Variants in SLC4A8 observed in about 807,000 individuals in gnomAD.
SLC4A8 encodes electroneutral sodium bicarbonate exchanger 1.
A neutral mutation model predicts 125.0 loss-of-function variants in SLC4A8; 40 were observed. The observed-to-expected ratio is 0.32, with a 90% CI of 0.25 to 0.42. The LOEUF is 0.42. Ranked by LOEUF, SLC4A8 falls within the 10% of genes least tolerant of loss-of-function variation. The probability of loss-of-function intolerance (pLI) is 1.00; values close to 1 mark genes in which losing one functional copy is unlikely to be tolerated. For missense variants in SLC4A8, 863 were observed against 1,355.1 expected, an observed-to-expected ratio of 0.64 and a Z score of 5.70; for synonymous variants, 456 against 476.0, an observed-to-expected ratio of 0.96 and a Z score of 0.55.
chr12:51,477,345 G>C (rs921568367), intron 16 of SLC4A8, among the ~76,000 whole-genome samples: 4 of 152,224 alleles, frequency 2.6e-5, no homozygotes, highest in South Asian at 2.1e-4. Context: ...AAGGCTAAAC[G>C]GTTGGTATTA....
Position 51,508,412 on chromosome 12 carries a change from C to G in SLC4A8, c.*974C>G, listed in dbSNP as rs1938253752. Reference sequence around the variant, plus strand: ...TGTTTTTATTGGCCATTTTGCGGGACTCTTCGACTTCTTGCTGCTGTCTCT... The same window carrying G: ...TGTTTTTATTGGCCATTTTGCGGGAGTCTTCGACTTCTTGCTGCTGTCTCT... On this transcript the variant is annotated 3_prime_UTR_variant, in exon 25 of 25. Transcript: ENST00000453097. 6.6e-6 allele frequency: 1 copy of G among 150,650 alleles called. No homozygotes were observed. The highest frequency in any genetic ancestry group is 1.5e-5 in the Non-Finnish European group (1 of 67,508). 9.3% of individuals were successfully genotyped at this position (150,650 alleles called of 1,614,324 possible).
chr12:51,478,042 G>A (rs898125409), intron 16 of SLC4A8, among the ~76,000 whole-genome samples: 1 of 152,124 alleles, frequency 6.6e-6, no homozygotes, highest in South Asian at 2.1e-4. Context: ...TTGGGAGGCC[G>A]AGATGGGCAG....
intron 1 of SLC4A8, among the ~76,000 whole-genome samples, chr12:51,402,076 T>C (rs532511590): frequency 9.2e-5 from 14 of 152,242 alleles, no homozygotes; most frequent in African/African-American, 3.4e-4. Context: ...CCCCTTCGTA[T>C]CTTAACCACC....
chr12:51,497,036 A>T lies in SLC4A8; in HGVS notation c.2993A>T (p.Lys998Met). Residue 998 changes from lysine to methionine, a missense_variant, in exon 22 of 25, where the codon AAG becomes ATG. Lys to Met is a moderately conservative substitution (Grantham distance 95). Coordinates refer to ENST00000453097, the MANE Select transcript of SLC4A8 (RefSeq NM_001039960.3). The part of the protein sequence containing the change: ...VRKVMDLCFS[K>M]RELSWLDDLM... Reference sequence around the variant, plus strand: ...AAAGTCATGGATCTCTGTTTCTCTAAGCGAGAGCTGAGCTGGCTAGATGAT... The same window carrying T: ...AAAGTCATGGATCTCTGTTTCTCTATGCGAGAGCTGAGCTGGCTAGATGAT... The T allele has an allele frequency of 1.2e-6, 2 of 1,614,026 alleles. No homozygotes were observed. The highest frequency in any genetic ancestry group is 1.1e-5 in the South Asian group (1 of 91,062).
intron 4 of SLC4A8, 149 bp downstream of exon 4, chr12:51,452,408 T>G: frequency 1.1e-6 from 1 of 877,684 alleles, no homozygotes; most frequent in Non-Finnish European, 1.8e-6. Context: ...CTGTGGAGAA[T>G]TTTGGTGTTG....
intron 11 of SLC4A8, among the ~76,000 whole-genome samples, chr12:51,468,819 C>T (rs1950604849): frequency 6.6e-6 from 1 of 152,174 alleles, no homozygotes. Flanking sequence ...GACTTAGCTT[C>T]TCCAGCCTTG....
At chr12:51,431,050 G>C (rs1949170133) in intron 1 of SLC4A8, among the ~76,000 whole-genome samples, 1 of 152,164 alleles carries the variant, frequency 6.6e-6, no homozygotes, top group African/African-American at 2.4e-5. Context: ...GGTTCTGGGA[G>C]AGGATCTGTT....
intron 24 of SLC4A8, among the ~76,000 whole-genome samples, chr12:51,506,415 CTTTCTT>C (rs1254667531): frequency 1.3e-5 from 2 of 150,276 alleles, no homozygotes; most frequent in African/African-American, 2.4e-5. Context: ...TTTTTTCTTT[CTTTCTT>C]TTTCTTTTCC....
intron 1 of SLC4A8, among the ~76,000 whole-genome samples, chr12:51,434,129 C>T (rs983869722): frequency 2.6e-5 from 4 of 152,062 alleles, no homozygotes; most frequent in Non-Finnish European, 5.9e-5. Flanking sequence ...CCCACCTCAG[C>T]CTTCCAAAGC....
intron 16 of SLC4A8, among the ~76,000 whole-genome samples, chr12:51,484,425 G>A (rs1448712147): frequency 6.6e-6 from 1 of 152,174 alleles, no homozygotes; most frequent in Non-Finnish European, 1.5e-5. Context: ...ATGTCCCCTG[G>A]GATGTACGTG....
chr12:51,417,189 T>G (rs1457775064), intron 1 of SLC4A8, among the ~76,000 whole-genome samples: 3 of 152,272 alleles, frequency 2.0e-5, no homozygotes, highest in East Asian at 3.9e-4. Flanking sequence ...GTCTTTTCAT[T>G]TTTTTATATT....
chr12:51,496,882 T>C (rs1203149996), intron 21 of SLC4A8, 105 bp from the exon 22 acceptor site: 3 of 1,119,152 alleles, frequency 2.7e-6, no homozygotes, highest in Non-Finnish European at 2.6e-6. Flanking sequence ...ATGAGTTTGA[T>C]TTTGCTTGAA....
intron 16 of SLC4A8, among the ~76,000 whole-genome samples, chr12:51,483,215 G>A (rs767800567): frequency 2.0e-5 from 3 of 152,070 alleles, no homozygotes; most frequent in Non-Finnish European, 4.4e-5. Context: ...GAAAGAGATT[G>A]TATTTGTTTC....
At chr12:51,455,345 C>T (rs971081807) in intron 5 of SLC4A8, among the ~76,000 whole-genome samples, 4 of 150,802 alleles carry the variant, frequency 2.7e-5, no homozygotes, top group Non-Finnish European at 5.9e-5. Context: ...GGGGAAATAG[C>T]CATGGAAATA....
At chr12:51,396,088 GAT>G (rs1333322601) in intron 1 of SLC4A8, among the ~76,000 whole-genome samples, 1 of 152,202 alleles carries the variant, frequency 6.6e-6, no homozygotes, top group African/African-American at 2.4e-5. Context: ...CTGTAAAATG[GAT>G]ATGTTATTTT....
intron 1 of SLC4A8, among the ~76,000 whole-genome samples, chr12:51,410,776 G>A (rs904588410): frequency 6.6e-6 from 1 of 151,666 alleles, no homozygotes; most frequent in African/African-American, 2.4e-5. Context: ...TTTTTAATTA[G>A]AGGGGATTTC....
intron 1 of SLC4A8, among the ~76,000 whole-genome samples, chr12:51,397,245 T>C (rs1333501895): frequency 6.6e-6 from 1 of 152,200 alleles, no homozygotes; most frequent in Non-Finnish European, 1.5e-5. Context: ...TAGTTAATTA[T>C]AATTTATTTA....
chr12:51,455,342 T>C (rs1159262433), intron 5 of SLC4A8, among the ~76,000 whole-genome samples: 1 of 144,898 alleles, frequency 6.9e-6, no homozygotes, highest in Non-Finnish European at 1.5e-5. Context: ...GTGGGGGAAA[T>C]AGCCATGGAA....
At position 51,510,293 on chromosome 12, in the gene SLC4A8, GGCGGGC is replaced by G. The variant is rs1337867791; in HGVS notation, c.*2858_*2863del. The G allele has an allele frequency of 1.3e-5, 2 of 152,294 alleles. No individual in the cohort carries two copies. Among genetic ancestry groups the G allele is most frequent in the African/African-American group, 4.8e-5 (2 of 41,426 alleles). 9.4% of individuals were successfully genotyped at this position (152,294 alleles called of 1,614,324 possible). On this transcript the variant is annotated 3_prime_UTR_variant, in exon 25 of 25. Transcript: ENST00000453097. ...TACAAAAAAATTAGCTGGGCATGGT[GGCGGGC>G]GCCTGTAGTCCCAGCTATTCAGGAG...
Sources: allele counts gnomAD v4.1 joint callset (sites outside exome capture counted in the v4.1 genomes callset), GRCh38; gene constraint gnomAD v4.1.1; transcripts MANE v1.5; gene names NCBI Gene and HGNC (gene_info 2026-07-23, HGNC 2026-07-21).